Variants in SPIDR observed in about 807,000 individuals in gnomAD.
The protein encoded by SPIDR is DNA repair-scaffolding protein.
Under a neutral mutation model 104.6 loss-of-function variants are expected in SPIDR, and 93 were observed. That is an observed-to-expected ratio of 0.89 (90% CI 0.75 to 1.06). The LOEUF is 1.06. Among genes scored for constraint, SPIDR ranks in the 50% least tolerant of loss-of-function variants. The pLI is 0.00. For synonymous variants in SPIDR, 431 were observed against 416.9 expected (o/e 1.03, Z -0.41); for missense variants, 1,154 against 1,111.2 (o/e 1.04, Z -0.55).
intron 8 of SPIDR, chr8:47,511,188 G>A: frequency 6.3e-7 from 1 of 1,576,678 alleles, no homozygotes; most frequent in Non-Finnish European, 8.7e-7. Flanking sequence ...GTTGGATGTT[G>A]CTGATCCTGT....
chr8:47,476,171 G>A (rs530713318), intron 8 of SPIDR, among the ~76,000 whole-genome samples: 1 of 152,288 alleles, frequency 6.6e-6, no homozygotes, highest in East Asian at 1.9e-4. Flanking sequence ...TCTTGGAGCT[G>A]TGAGTTTAGG....
chr8:47,701,779 TG>T lies in SPIDR; in HGVS notation c.1835del (p.Gly612AspfsTer5). On this transcript the variant is annotated frameshift_variant, in exon 13 of 20. Coordinates refer to ENST00000297423, the MANE Select transcript of SPIDR (RefSeq NM_001080394.4). LOFTEE classifies it high-confidence loss of function. ...TACATCCTCACAGCTCATCCAAATC[TG>T]GGACAAATTGATATAATTGACGAAG... Reference protein sequence around the residue: ...LCYILTAHPNLGQIDIIDEDP... With the variant: ...LCYILTAHPNXGQIDIIDEDP... 1 of 1,614,172 alleles carries T rather than the reference TG, an allele frequency of 6.2e-7. No individual in the cohort carries two copies. Among genetic ancestry groups the T allele is most frequent in the Non-Finnish European group, 8.5e-7 (1 of 1,180,030 alleles).
intron 5 of SPIDR, among the ~76,000 whole-genome samples, chr8:47,347,473 C>G (rs944026382): frequency 1.3e-5 from 2 of 152,170 alleles, no homozygotes; most frequent in Admixed American, 6.5e-5. Flanking sequence ...CCACTAGGTG[C>G]AGAGCTGAGT....
Position 47,433,571 on chromosome 8 carries a change from C to T in SPIDR, c.878-6752C>T, listed in dbSNP as rs535203287. 3.9e-5 allele frequency among the ~76,000 whole-genome samples: 6 copies of T among 152,298 alleles called. No homozygotes were observed. The South Asian group carries it at 1.2e-3, about 32-fold the overall frequency. The stretch of plus-strand genomic sequence containing the variant: ...AAAGCTAAGACTACTAATGGGTATG[C>T]TGGGGCCGCCAGAATGATAGTCCTT... On this transcript the variant is annotated intron_variant, in intron 7 of 19. Coordinates refer to ENST00000297423, the MANE Select transcript of SPIDR (RefSeq NM_001080394.4).
At chr8:47,697,588 A>T (rs2079529047) in intron 11 of SPIDR, among the ~76,000 whole-genome samples, 1 of 152,182 alleles carries the variant, frequency 6.6e-6, no homozygotes, top group Admixed American at 6.5e-5. Flanking sequence ...CTCCAGGAGC[A>T]GCTGCGTGTT....
At chr8:47,297,227 G>A (rs2041019136) in intron 5 of SPIDR, among the ~76,000 whole-genome samples, 1 of 152,020 alleles carries the variant, frequency 6.6e-6, no homozygotes, top group African/African-American at 2.4e-5. Context: ...AATCGCTCTT[G>A]CCAGGACATC....
chr8:47,488,272 G>T (rs186831862), intron 8 of SPIDR, among the ~76,000 whole-genome samples: 1 of 152,224 alleles, frequency 6.6e-6, no homozygotes, highest in African/African-American at 2.4e-5. Context: ...TAAATTCCTG[G>T]ACACATACAC....
chr8:47,623,571 AGGCAGG>A (rs2065489357), intron 10 of SPIDR, among the ~76,000 whole-genome samples: 1 of 152,216 alleles, frequency 6.6e-6, no homozygotes, highest in African/African-American at 2.4e-5. Flanking sequence ...AAACAGAAAA[AGGCAGG>A]GGTTGCAATC....
intron 8 of SPIDR, among the ~76,000 whole-genome samples, chr8:47,488,315 G>C (rs935678168): frequency 3.9e-5 from 6 of 152,048 alleles, no homozygotes; most frequent in African/African-American, 9.7e-5. Flanking sequence ...GAAGTTGAAT[G>C]CCTGAATAGA....
intron 8 of SPIDR, among the ~76,000 whole-genome samples, chr8:47,444,521 T>G (rs1402768898): frequency 6.6e-6 from 1 of 152,238 alleles, no homozygotes; most frequent in Non-Finnish European, 1.5e-5. Context: ...TCGTCATCTT[T>G]TTAGTCACTA....
intron 1 of SPIDR, among the ~76,000 whole-genome samples, chr8:47,266,695 A>G (rs1402940398): frequency 2.0e-5 from 3 of 152,208 alleles, no homozygotes; most frequent in Admixed American, 1.3e-4. Context: ...AAACTTTTCC[A>G]AAGTGGTTAT....
chr8:47,487,958 G>A (rs1554733122), intron 8 of SPIDR, among the ~76,000 whole-genome samples: 1 of 152,106 alleles, frequency 6.6e-6, no homozygotes, highest in African/African-American at 2.4e-5. Flanking sequence ...AGATAAGCAA[G>A]AGCGAACACA....
intron 8 of SPIDR, among the ~76,000 whole-genome samples, chr8:47,535,000 G>A (rs1388707611): frequency 2.0e-5 from 3 of 152,042 alleles, no homozygotes; most frequent in Non-Finnish European, 4.4e-5. Context: ...GGATAATAAA[G>A]TAATATTTTG....
intron 10 of SPIDR, among the ~76,000 whole-genome samples, chr8:47,641,474 T>C (rs2068980712): frequency 6.6e-6 from 1 of 152,252 alleles, no homozygotes; most frequent in African/African-American, 2.4e-5. Context: ...ATTCGATGCA[T>C]TTACTTAGTA....
At chr8:47,692,238 C>G (rs550210112) in intron 11 of SPIDR, among the ~76,000 whole-genome samples, 1 of 152,228 alleles carries the variant, frequency 6.6e-6, no homozygotes, top group African/African-American at 2.4e-5. Context: ...TTATTTTACT[C>G]ACAAAGTTGT....
rs757478936 is a variant in SPIDR at position 47,673,923 on chromosome 8, A to G, written c.1667A>G (p.Gln556Arg). The G allele has an allele frequency of 8.7e-6, 14 of 1,614,060 alleles. No homozygotes were observed. Among genetic ancestry groups the G allele is most frequent in the African/African-American group, 2.7e-5 (2 of 74,928 alleles). The change falls in exon 11 of 20, where the codon CAG becomes CGG. Residue 556 changes from glutamine (Q) to arginine (R), a missense_variant. Transcript: ENST00000297423. Reference protein sequence around the residue: ...SCSLVGMKVLQKVTRGRTAGI... With the variant: ...SCSLVGMKVLRKVTRGRTAGI... The stretch of plus-strand genomic sequence containing the variant: ...AGCCTGGTGGGAATGAAGGTTCTAC[A>G]GAAAGTCACCAGAGGAAGGTGAGAA...
intron 10 of SPIDR, among the ~76,000 whole-genome samples, chr8:47,649,278 A>C (rs932579280): frequency 6.6e-6 from 1 of 152,148 alleles, no homozygotes; most frequent in Non-Finnish European, 1.5e-5. Context: ...AATGCAAAAA[A>C]AAAAAAGCAC....
rs1166330704 is a variant in SPIDR at position 47,685,508 on chromosome 8, TATTTA to T, written c.1685+11568_1685+11572del. 2.0e-4 allele frequency among the ~76,000 whole-genome samples: 28 copies of T among 137,010 alleles called. 1 individual carries two copies. Among genetic ancestry groups the T allele is most frequent in the East Asian group, 6.8e-4 (3 of 4,394 alleles). The allele number at this position is 137,010 out of a possible 152,430, so 89.9% of individuals were successfully genotyped here. A position where few individuals can be genotyped will look rare whatever the true frequency, so the allele number is the denominator to read the frequency against. On this transcript the variant is annotated intron_variant, in intron 11 of 19. Coordinates refer to ENST00000297423, the MANE Select transcript of SPIDR (RefSeq NM_001080394.4). ...TTATTTATTTATTTATTTATTTATTTATTTATTTATTTTTTTGAGACAGTCTCTCT... is the reference window on the plus strand; with the variant it reads ...TTATTTATTTATTTATTTATTTATTTTTTATTTTTTTGAGACAGTCTCTCT...
At chr8:47,299,660 AG>A (rs1191619814) in intron 5 of SPIDR, among the ~76,000 whole-genome samples, 3 of 152,152 alleles carry the variant, frequency 2.0e-5, no homozygotes, top group South Asian at 2.1e-4. Flanking sequence ...TTTAGCATGA[AG>A]GGTTGTTGAA....
Sources: gnomAD v4.1 joint callset for allele counts (sites outside exome capture counted in the v4.1 genomes callset) on GRCh38, gnomAD v4.1.1 for gene constraint, MANE v1.5 for transcripts, NCBI Gene and HGNC (gene_info 2026-07-23, HGNC 2026-07-21) for gene names.